Variants in SLC38A6 observed in about 807,000 individuals in gnomAD.
The protein encoded by SLC38A6 is N system amino acid transporter NAT-1.
In SLC38A6, 73 loss-of-function variants were observed where a neutral mutation model predicts 65.0. The ratio of observed to expected loss-of-function variants is 1.12; its 90% confidence interval spans 0.93 to 1.37. The LOEUF is 1.37. SLC38A6 is among the 40% of genes most tolerant of loss of function. The pLI is 0.00. For missense variants in SLC38A6, 561 were observed against 531.1 expected (o/e 1.06, Z -0.55); for synonymous variants, 183 against 178.8 (o/e 1.02, Z -0.19).
At chr14:61,022,708 C>T (rs796888421) in intron 5 of SLC38A6, among the ~76,000 whole-genome samples, 42 of 151,980 alleles carry the variant, frequency 2.8e-4, no homozygotes, top group African/African-American at 9.9e-4. Flanking sequence ...AATTATCTGA[C>T]TTTTGCAGTG....
intron 5 of SLC38A6, among the ~76,000 whole-genome samples, chr14:61,030,200 G>A (rs2040870605): frequency 6.6e-6 from 1 of 151,866 alleles, no homozygotes; most frequent in African/African-American, 2.4e-5. Flanking sequence ...CTTTGGACTT[G>A]AAATGTAAAC....
chr14:61,060,943 G>T (rs1312394917), intron 15 of SLC38A6, among the ~76,000 whole-genome samples: 1 of 150,042 alleles, frequency 6.7e-6, no homozygotes, highest in African/African-American at 2.5e-5. Context: ...GACCCCTTGC[G>T]CTTCCCAGGT....
At chr14:61,079,217 A>G (rs1299752732) in intron 16 of SLC38A6, among the ~76,000 whole-genome samples, 3 of 145,816 alleles carry the variant, frequency 2.1e-5, no homozygotes, top group Non-Finnish European at 4.5e-5. Flanking sequence ...GCTTACTGCA[A>G]CCTCTGCCTC....
At chr14:60,993,874 C>T (rs935017678) in intron 3 of SLC38A6, among the ~76,000 whole-genome samples, 4 of 152,116 alleles carry the variant, frequency 2.6e-5, no homozygotes, top group African/African-American at 9.7e-5. Context: ...ACACACAAGC[C>T]AATAATGAGA....
chr14:61,035,295 T>A (rs1363909088), intron 6 of SLC38A6, among the ~76,000 whole-genome samples: 1 of 152,214 alleles, frequency 6.6e-6, no homozygotes, highest in Non-Finnish European at 1.5e-5. Context: ...CACTGTCCTT[T>A]TAATTCTTTT....
intron 3 of SLC38A6, among the ~76,000 whole-genome samples, chr14:61,000,564 G>A (rs2038637718): frequency 6.6e-6 from 1 of 152,222 alleles, no homozygotes; most frequent in Non-Finnish European, 1.5e-5. Flanking sequence ...CCGAGATGCA[G>A]AGGTTGCAAT....
At chr14:61,083,509 G>T (rs141868022) in intron 16 of SLC38A6, 1 of 1,525,090 alleles carries the variant, frequency 6.6e-7, no homozygotes, top group East Asian at 2.5e-5. Flanking sequence ...TTAAAATGAG[G>T]CCATTAAGCC....
At chr14:61,018,139 C>A (rs551505967) in intron 4 of SLC38A6, among the ~76,000 whole-genome samples, 6 of 152,000 alleles carry the variant, frequency 3.9e-5, no homozygotes, top group African/African-American at 1.4e-4. Context: ...TTAAATTCAG[C>A]CAAAGAATGA....
chr14:61,081,824 A>G (rs948587157), intron 16 of SLC38A6, among the ~76,000 whole-genome samples: 2 of 152,150 alleles, frequency 1.3e-5, no homozygotes, highest in African/African-American at 4.8e-5. Flanking sequence ...AGGTTCAGAG[A>G]GGTTAAATAA....
chr14:61,081,323 T>A (rs1036214878), intron 16 of SLC38A6, among the ~76,000 whole-genome samples: 1 of 93,158 alleles, frequency 1.1e-5, no homozygotes, highest in African/African-American at 3.2e-5. Context: ...ACCAGTGCTT[T>A]GGGTCATTGC....
exon 17 of SLC38A6, chr14:61,083,686 C>T (rs1432980111): frequency 6.5e-7 from 1 of 1,549,602 alleles, no homozygotes; most frequent in Non-Finnish European, 8.7e-7. Flanking sequence ...CTTGCACTTC[C>T]CAACCTCCAG....
chr14:61,033,123 G>C (rs1281781222), intron 6 of SLC38A6, among the ~76,000 whole-genome samples: 1 of 151,864 alleles, frequency 6.6e-6, no homozygotes, highest in African/African-American at 2.4e-5. Flanking sequence ...TAATGATCTT[G>C]TCGGGGAATA....
At chr14:61,022,493 TATA>T (rs1156481132) in intron 5 of SLC38A6, among the ~76,000 whole-genome samples, 1 of 149,136 alleles carries the variant, frequency 6.7e-6, no homozygotes, top group East Asian at 1.9e-4. Flanking sequence ...ACAGTTTTAT[TATA>T]ATAAATAAGT....
intron 3 of SLC38A6, among the ~76,000 whole-genome samples, chr14:61,010,375 T>G (rs903625989): frequency 1.3e-5 from 2 of 152,210 alleles, no homozygotes; most frequent in African/African-American, 4.8e-5. Context: ...AGAAGCTCTT[T>G]AGTTTAATTA....
Position 60,985,861 on chromosome 14 carries a change from C to T in SLC38A6, c.310+1058C>T, listed in dbSNP as rs552567495. 3.3e-5 allele frequency among the ~76,000 whole-genome samples: 5 copies of T among 152,102 alleles called. No homozygotes were observed. In the East Asian group the frequency reaches 9.7e-4, roughly 29 times the overall value. ...ATTCATTGTGGAAGGTGAAGGGGAG[C>T]TAGGATATGCAGAGATCACATGGCA... On this transcript the variant is annotated intron_variant, in intron 3 of 15. Coordinates refer to ENST00000267488, the MANE Select transcript of SLC38A6 (RefSeq NM_153811.3).
intron 15 of SLC38A6, among the ~76,000 whole-genome samples, chr14:61,058,105 TG>T (rs2042771151): frequency 8.9e-6 from 1 of 112,436 alleles, no homozygotes; most frequent in Admixed American, 9.4e-5. Flanking sequence ...AAGGGTTTTT[TG>T]TGTCTCTATT....
chr14:61,055,114 T>TC (rs1170833857), downstream of SLC38A6, among the ~76,000 whole-genome samples: 11 of 133,502 alleles, frequency 8.2e-5, 1 homozygote, highest in Middle Eastern at 0.012. Context: ...TTCTTTTTTT[T>TC]TTTCTTTTTT....
chr14:61,063,563 C>A (rs1005625234), intron 15 of SLC38A6, among the ~76,000 whole-genome samples: 6 of 152,136 alleles, frequency 3.9e-5, no homozygotes, highest in Non-Finnish European at 5.9e-5. Context: ...TAATCCTACC[C>A]CAGTACACAT....
At chr14:61,015,400 G>C (rs1056091697) in intron 3 of SLC38A6, among the ~76,000 whole-genome samples, 1 of 152,054 alleles carries the variant, frequency 6.6e-6, no homozygotes, top group Non-Finnish European at 1.5e-5. Flanking sequence ...TGCACCCACT[G>C]TCCAACACTC....
Sources: gnomAD v4.1 joint callset for allele counts (sites outside exome capture counted in the v4.1 genomes callset) on GRCh38, gnomAD v4.1.1 for gene constraint, MANE v1.5 for transcripts, NCBI Gene and HGNC (gene_info 2026-07-23, HGNC 2026-07-21) for gene names.